The following ADARB2 variants were observed in gnomAD, a reference collection of about 807,000 sequenced individuals.
ADARB2 encodes adenosine deaminase RNA specific B2 (inactive), also known as inactive double-stranded RNA-specific editase B2.
A neutral mutation model predicts 62.2 loss-of-function variants in ADARB2; 25 were observed. The observed-to-expected ratio is 0.40, with a 90% CI of 0.29 to 0.56. ADARB2 has a LOEUF of 0.56. Among genes scored for constraint, ADARB2 ranks in the 20% least tolerant of loss-of-function variants. ADARB2 has a pLI of 0.43. For missense variants in ADARB2, 1,071 were observed against 1,077.4 expected (o/e 0.99, Z 0.08); for synonymous variants, 572 against 500.8 (o/e 1.14, Z -1.90).
intron 1 of ADARB2, among the ~76,000 whole-genome samples, chr10:1,485,693 A>G (rs1160837397): frequency 2.0e-5 from 3 of 152,194 alleles, no homozygotes; most frequent in Admixed American, 2.0e-4. Context: ...GTGGGATGGA[A>G]TAATAACGCT....
At chr10:1,289,739 C>T (rs1831447308) in intron 3 of ADARB2, among the ~76,000 whole-genome samples, 1 of 152,244 alleles carries the variant, frequency 6.6e-6, no homozygotes, top group East Asian at 1.9e-4. Context: ...ACAAGACAGC[C>T]CACAGGATCC....
chr10:1,498,018 A>C (rs952911253), intron 1 of ADARB2, among the ~76,000 whole-genome samples: 3 of 152,272 alleles, frequency 2.0e-5, no homozygotes, highest in Admixed American at 6.5e-5. Flanking sequence ...ATTTGTGTGT[A>C]TATGGAAAAG....
chr10:1,263,121 G>A (rs1831159256), intron 4 of ADARB2, among the ~76,000 whole-genome samples: 1 of 134,994 alleles, frequency 7.4e-6, no homozygotes, highest in Non-Finnish European at 1.6e-5. Context: ...TCACACACCG[G>A]GGCCTGTTGT....
chr10:1,305,505 C>G (rs1831618615), intron 3 of ADARB2, among the ~76,000 whole-genome samples: 1 of 152,044 alleles, frequency 6.6e-6, no homozygotes, highest in South Asian at 2.1e-4. Flanking sequence ...CCTTCTGAAA[C>G]TATTCCAATC....
chr10:1,203,704 C>T (rs1837015693), intron 7 of ADARB2, among the ~76,000 whole-genome samples: 1 of 152,160 alleles, frequency 6.6e-6, no homozygotes, highest in Non-Finnish European at 1.5e-5. Context: ...TTGAAGACTT[C>T]TGCAGCAAAG....
At chr10:1,666,535 A>G (rs1834318406) in intron 1 of ADARB2, among the ~76,000 whole-genome samples, 1 of 152,194 alleles carries the variant, frequency 6.6e-6, no homozygotes, top group African/African-American at 2.4e-5. Context: ...CCAGCCCATT[A>G]GCTCTCCCTG....
chr10:1,302,495 G>T (rs61832046), intron 3 of ADARB2, among the ~76,000 whole-genome samples: 69,529 of 151,064 alleles, frequency 0.46, 17,308 homozygotes, highest in East Asian at 0.8. Context: ...AAACAAAGCA[G>T]CCGGGAAGCT....
intron 1 of ADARB2, among the ~76,000 whole-genome samples, chr10:1,545,639 A>G (rs1832507730): frequency 6.6e-6 from 1 of 152,196 alleles, no homozygotes; most frequent in South Asian, 2.1e-4. Flanking sequence ...TGGCCTTAGC[A>G]GCCAAGGGGT....
Position 1,220,727 on chromosome 10 carries a change from T to C in ADARB2, c.1514-3608A>G, listed in dbSNP as rs896015412. Among the ~76,000 whole-genome samples the C allele has an allele frequency of 3.3e-5, 5 of 152,232 alleles. 1 individual carries two copies. The South Asian group carries it at 6.2e-4, about 19-fold the overall frequency. On this transcript the variant is annotated intron_variant, in intron 6 of 9. Coordinates refer to ENST00000381312, the MANE Select transcript of ADARB2 (RefSeq NM_018702.4). ...TTAACTATTGTGGTCTTTTTCGAGA[T>C]CTTGAAAGTTGCCTATTATATTGTA... is the stretch of plus-strand genomic sequence containing the variant.
At chr10:1,705,878 T>TC (rs1834883972) in intron 1 of ADARB2, among the ~76,000 whole-genome samples, 1 of 152,210 alleles carries the variant, frequency 6.6e-6, no homozygotes, top group Non-Finnish European at 1.5e-5. Flanking sequence ...ATTTTTTTTT[T>TC]CTCTTAAGTA....
At chr10:1,628,793 A>G (rs1176539995) in intron 1 of ADARB2, among the ~76,000 whole-genome samples, 2 of 152,252 alleles carry the variant, frequency 1.3e-5, no homozygotes, top group Non-Finnish European at 2.9e-5. Flanking sequence ...ATGGAGAAAA[A>G]TGAAACCAGT....
intron 1 of ADARB2, among the ~76,000 whole-genome samples, chr10:1,690,161 C>T (rs767696771): frequency 2.6e-5 from 4 of 152,164 alleles, no homozygotes; most frequent in Admixed American, 6.5e-5. Flanking sequence ...ATTTCCATTG[C>T]GAATTTGCAG....
chr10:1,433,034 A>T (rs990591083), intron 1 of ADARB2, among the ~76,000 whole-genome samples: 5 of 152,130 alleles, frequency 3.3e-5, no homozygotes, highest in Non-Finnish European at 1.5e-5. Context: ...AAGCCAAAAA[A>T]ATCTCCCATT....
At chr10:1,295,503 A>G (rs898557306) in intron 3 of ADARB2, among the ~76,000 whole-genome samples, 5 of 152,154 alleles carry the variant, frequency 3.3e-5, no homozygotes. Context: ...AATTTAGGAG[A>G]AAGAGTACAA....
At chr10:1,552,813 C>A (rs1216291827) in intron 1 of ADARB2, among the ~76,000 whole-genome samples, 2 of 152,218 alleles carry the variant, frequency 1.3e-5, no homozygotes, top group African/African-American at 2.4e-5. Context: ...CGGACACTCA[C>A]CCCTGGCGGA....
intron 1 of ADARB2, among the ~76,000 whole-genome samples, chr10:1,576,769 G>A (rs1382631143): frequency 1.3e-5 from 2 of 152,158 alleles, no homozygotes; most frequent in Admixed American, 6.5e-5. Flanking sequence ...TCAAGGAAAG[G>A]CCCTTGGGGA....
chr10:1,620,659 A>T (rs1833694222), intron 1 of ADARB2, among the ~76,000 whole-genome samples: 1 of 152,258 alleles, frequency 6.6e-6, no homozygotes, highest in Non-Finnish European at 1.5e-5. Flanking sequence ...AAGCACAAAA[A>T]TATCACAAAA....
At chr10:1,615,551 C>T (rs1477200909) in intron 1 of ADARB2, among the ~76,000 whole-genome samples, 1 of 152,250 alleles carries the variant, frequency 6.6e-6, no homozygotes, top group Non-Finnish European at 1.5e-5. Context: ...TGCCATTTCC[C>T]TCAGTCAGAA....
intron 1 of ADARB2, chr10:1,535,058 G>A (rs973401473): frequency 1.2e-5 from 2 of 167,024 alleles, no homozygotes; most frequent in African/African-American, 2.4e-5. Context: ...GAGCTAGGAC[G>A]AGGCAACAGC....
Sources: allele counts gnomAD v4.1 joint callset (sites outside exome capture counted in the v4.1 genomes callset), GRCh38; gene constraint gnomAD v4.1.1; transcripts MANE v1.5; gene names NCBI Gene and HGNC (gene_info 2026-07-23, HGNC 2026-07-21).